The following CMC1 variants were observed in gnomAD, a reference collection of about 807,000 sequenced individuals.
CMC1 encodes the protein COX assembly mitochondrial protein homolog.
In CMC1, 14 loss-of-function variants were observed where a neutral mutation model predicts 14.1. The observed-to-expected ratio is 0.99, with a 90% CI of 0.66 to 1.55. CMC1 has a LOEUF of 1.55. CMC1 is among the 40% of genes most tolerant of loss of function. The pLI is 0.00. For missense variants in CMC1, 127 were observed against 123.8 expected, an observed-to-expected ratio of 1.03 and a Z score of -0.12; for synonymous variants, 50 against 38.4, an observed-to-expected ratio of 1.30 and a Z score of -1.12.
chr3:28,253,352 G>A (rs1291920982), intron 1 of CMC1, among the ~76,000 whole-genome samples: 2 of 152,126 alleles, frequency 1.3e-5, no homozygotes, highest in Non-Finnish European at 1.5e-5. Flanking sequence ...TGAAGTGGGT[G>A]GATCGCTTGA....
chr3:28,269,513 G>T (rs557941923), intron 2 of CMC1, among the ~76,000 whole-genome samples: 11 of 151,808 alleles, frequency 7.2e-5, no homozygotes, highest in Admixed American at 2.0e-4. Flanking sequence ...AGGTAAACTT[G>T]TGCCATGGTG....
At chr3:28,249,439 G>C (rs917108481) in intron 1 of CMC1, among the ~76,000 whole-genome samples, 1 of 152,146 alleles carries the variant, frequency 6.6e-6, no homozygotes, top group Non-Finnish European at 1.5e-5. Context: ...CAATTTTATT[G>C]CATATTTACC....
At chr3:28,282,898 C>T (rs942592245) in intron 2 of CMC1, among the ~76,000 whole-genome samples, 4 of 152,148 alleles carry the variant, frequency 2.6e-5, no homozygotes, top group African/African-American at 9.7e-5. Context: ...GCTATCTCTA[C>T]CAGCAGAGCT....
At position 28,323,926 on chromosome 3, in the gene CMC1, T is replaced by C. The variant is rs779580842; in HGVS notation, c.*4297T>C. On this transcript the variant is annotated 3_prime_UTR_variant, in exon 4 of 4. Coordinates refer to ENST00000466830, the MANE Select transcript of CMC1 (RefSeq NM_182523.2). The stretch of plus-strand genomic sequence containing the variant: ...GTACAGTGTGTTCAAATATAGATAC[T>C]GAAGACCTCTGCAAAATTTTAATCA... 99 of 1,219,058 alleles carry C rather than the reference T, an allele frequency of 8.1e-5. No homozygotes were observed. The highest frequency in any genetic ancestry group is 1.1e-4 in the Non-Finnish European group (92 of 872,356). 75.5% of individuals were successfully genotyped at this position (1,219,058 alleles called of 1,614,324 possible).
intron 1 of CMC1, among the ~76,000 whole-genome samples, chr3:28,250,404 A>G (rs1699073751): frequency 6.6e-6 from 1 of 152,204 alleles, no homozygotes; most frequent in African/African-American, 2.4e-5. Context: ...ATGGAAAATA[A>G]AGACTGAGAT....
chr3:28,307,097 G>A (rs1702357632), intron 2 of CMC1, among the ~76,000 whole-genome samples: 1 of 152,018 alleles, frequency 6.6e-6, no homozygotes, highest in Non-Finnish European at 1.5e-5. Flanking sequence ...TCTGTCTTTA[G>A]CATTTGGATC....
chr3:28,269,788 A>T, intron 2 of CMC1, among the ~76,000 whole-genome samples: 1 of 151,438 alleles, frequency 6.6e-6, no homozygotes. Context: ...CTGGTCTCAA[A>T]CTCCTGACCT....
At chr3:28,283,551 C>CAAAAAAAAA (rs5847510) in intron 2 of CMC1, among the ~76,000 whole-genome samples, 33 of 118,084 alleles carry the variant, frequency 2.8e-4, no homozygotes, top group Non-Finnish European at 3.9e-4. Context: ...ACAACAAAAA[C>CAAAAAAAAA]AAAAAAAAAA....
At chr3:28,259,750 T>TTA (rs1469360741) in intron 1 of CMC1, among the ~76,000 whole-genome samples, 1 of 152,180 alleles carries the variant, frequency 6.6e-6, no homozygotes, top group African/African-American at 2.4e-5. Context: ...TGGTGACATC[T>TTA]TATATATCTG....
chr3:28,321,712 T>A lies in CMC1; in HGVS notation c.*2083T>A, dbSNP rs1342448913. 2 of 151,362 alleles carry A rather than the reference T, an allele frequency of 1.3e-5. No individual in the cohort carries two copies. The highest frequency in any genetic ancestry group is 3.9e-4 in the East Asian group (2 of 5,154). The allele number at this position is 151,362 out of a possible 1,614,324, so 9.4% of individuals were successfully genotyped here. ...GATTCAGCTCTTCAAGTCTGAATTT[T>A]CCCATTTATTTTGGTTTTCTAATGT... is the stretch of plus-strand genomic sequence containing the variant. On this transcript the variant is annotated 3_prime_UTR_variant, in exon 4 of 4. Coordinates refer to ENST00000466830, the MANE Select transcript of CMC1 (RefSeq NM_182523.2).
At chr3:28,299,732 A>T (rs892549052) in intron 2 of CMC1, among the ~76,000 whole-genome samples, 5 of 151,958 alleles carry the variant, frequency 3.3e-5, no homozygotes, top group East Asian at 3.9e-4. Flanking sequence ...CTGGGACATT[A>T]AAAAAAACTC....
At chr3:28,243,787 A>AT (rs397876040) in intron 1 of CMC1, among the ~76,000 whole-genome samples, 2 of 152,090 alleles carry the variant, frequency 1.3e-5, no homozygotes, top group Non-Finnish European at 2.9e-5. Context: ...GGTAGAAAAA[A>AT]CAATTAACAC....
At chr3:28,284,009 T>C (rs1274699328) in intron 2 of CMC1, among the ~76,000 whole-genome samples, 1 of 152,246 alleles carries the variant, frequency 6.6e-6, no homozygotes, top group African/African-American at 2.4e-5. Context: ...ATTTTATGCC[T>C]AGATCGCAAA....
intron 2 of CMC1, among the ~76,000 whole-genome samples, chr3:28,267,542 GT>G (rs1700068427): frequency 6.6e-6 from 1 of 152,024 alleles, no homozygotes; most frequent in African/African-American, 2.4e-5. Context: ...TTGTATTTAT[GT>G]TGCAGTCTTT....
chr3:28,285,769 ATT>A (rs34243188), intron 2 of CMC1, among the ~76,000 whole-genome samples: 53 of 142,412 alleles, frequency 3.7e-4, no homozygotes, highest in East Asian at 4.0e-4. Context: ...AATTCTCAGC[ATT>A]TTTTTTTTTT....
chr3:28,254,858 T>C (rs1190205484), intron 1 of CMC1, among the ~76,000 whole-genome samples: 1 of 152,226 alleles, frequency 6.6e-6, no homozygotes, highest in African/African-American at 2.4e-5. Context: ...GTTTAGTAAT[T>C]ACACTGAATA....
At chr3:28,241,907 G>C in intron 1 of CMC1, 95 bp downstream of exon 1, 1 of 1,168,876 alleles carries the variant, frequency 8.6e-7, no homozygotes, top group Non-Finnish European at 1.1e-6. Context: ...GAAAGGTGCA[G>C]AGCTCTGGGT....
rs747560229 is a variant in CMC1 at position 28,324,003 on chromosome 3, A to T, written c.*4374A>T. ...TTTCTTGGGAGGACCACTGAAAGAG[A>T]TAAGTGTCCTCATGGTGAAATCGTG... is the stretch of plus-strand genomic sequence containing the variant. On this transcript the variant is annotated 3_prime_UTR_variant, in exon 4 of 4. Coordinates refer to ENST00000466830, the MANE Select transcript of CMC1 (RefSeq NM_182523.2). 6.5e-7 allele frequency: 1 copy of T among 1,544,130 alleles called. No individual in the cohort carries two copies.
intron 2 of CMC1, among the ~76,000 whole-genome samples, chr3:28,272,269 G>A (rs1355501036): frequency 6.6e-6 from 1 of 152,130 alleles, no homozygotes; most frequent in Non-Finnish European, 1.5e-5. Flanking sequence ...GAAAAGAAGT[G>A]GTGAGAGAGG....
Sources: allele counts gnomAD v4.1 joint callset (sites outside exome capture counted in the v4.1 genomes callset), GRCh38; gene constraint gnomAD v4.1.1; transcripts MANE v1.5; gene names NCBI Gene and HGNC (gene_info 2026-07-23, HGNC 2026-07-21).